NBEA: variants seen among roughly 807,000 people sequenced by gnomAD.
The protein encoded by NBEA is neurobeachin, also known as lysosomal-trafficking regulator 2.
In NBEA, 44 loss-of-function variants were observed where a neutral mutation model predicts 343.4. The ratio of observed to expected loss-of-function variants is 0.13; its 90% CI spans 0.10 to 0.16. The LOEUF (loss-of-function observed/expected upper bound fraction) is 0.16, where lower values mean the gene tolerates loss of function less well. Among genes scored for constraint, NBEA ranks in the 10% least tolerant of loss-of-function variants. NBEA has a pLI of 1.00. For missense variants in NBEA, 2,555 were observed against 3,631.3 expected (o/e 0.70, Z 7.62); for synonymous variants, 1,175 against 1,238.7 (o/e 0.95, Z 1.08).
At chr13:35,664,958 C>T (rs41292205) in intron 55 of NBEA, 127 bp from the exon 56 acceptor site, 40,066 of 662,002 alleles carry the variant, frequency 0.061, 1,454 homozygotes, top group South Asian at 0.1. Context: ...GTAACTGGCT[C>T]ATGGTCACAC....
intron 1 of NBEA, among the ~76,000 whole-genome samples, chr13:34,956,173 A>G (rs1384576562): frequency 6.6e-6 from 1 of 152,214 alleles, no homozygotes; most frequent in African/African-American, 2.4e-5. Context: ...AATTTTGAGT[A>G]TATTGTAATT....
chr13:35,197,305 A>T (rs1485642623), intron 31 of NBEA, among the ~76,000 whole-genome samples: 2 of 152,186 alleles, frequency 1.3e-5, no homozygotes, highest in Non-Finnish European at 2.9e-5. Flanking sequence ...GTATGAGGTG[A>T]TTGACAAGCA....
At chr13:35,203,919 G>A (rs1275513580) in intron 31 of NBEA, among the ~76,000 whole-genome samples, 1 of 152,134 alleles carries the variant, frequency 6.6e-6, no homozygotes. Context: ...ATAGAAGTTT[G>A]AAATTGTGTG....
chr13:35,380,562 A>G (rs1327451816), intron 38 of NBEA, among the ~76,000 whole-genome samples: 1 of 152,196 alleles, frequency 6.6e-6, no homozygotes, highest in Non-Finnish European at 1.5e-5. Flanking sequence ...TGTAAAAAAT[A>G]TCATTTTTAA....
chr13:35,650,499 C>A (rs2084464596), intron 52 of NBEA, among the ~76,000 whole-genome samples: 1 of 152,106 alleles, frequency 6.6e-6, no homozygotes, highest in African/African-American at 2.4e-5. Flanking sequence ...TGCAGGAGTT[C>A]AAGACCAGCC....
At chr13:35,612,389 C>A (rs1470028319) in intron 48 of NBEA, among the ~76,000 whole-genome samples, 1 of 152,164 alleles carries the variant, frequency 6.6e-6, no homozygotes, top group Non-Finnish European at 1.5e-5. Flanking sequence ...ACGTTGACCT[C>A]CCAAAGTGCT....
chr13:35,408,553 A>G (rs984215473), intron 38 of NBEA, among the ~76,000 whole-genome samples: 3 of 152,192 alleles, frequency 2.0e-5, no homozygotes, highest in Non-Finnish European at 4.4e-5. Flanking sequence ...GAAAATATCA[A>G]TAGACTAAAC....
chr13:35,572,266 T>C (rs1056386288), intron 45 of NBEA, among the ~76,000 whole-genome samples: 2 of 152,202 alleles, frequency 1.3e-5, no homozygotes, highest in Non-Finnish European at 2.9e-5. Context: ...GACTCTTAAA[T>C]TACAGTGGTT....
intron 1 of NBEA, among the ~76,000 whole-genome samples, chr13:35,002,490 G>C (rs182122489): frequency 6.6e-6 from 1 of 152,226 alleles, no homozygotes; most frequent in East Asian, 1.9e-4. Context: ...CAACAGTAAA[G>C]CTAGGAGCTC....
At chr13:35,303,882 T>G (rs1442202354) in intron 35 of NBEA, among the ~76,000 whole-genome samples, 1 of 152,208 alleles carries the variant, frequency 6.6e-6, no homozygotes, top group Non-Finnish European at 1.5e-5. Context: ...TAGTTACCAC[T>G]TTCTCTTTCT....
At chr13:35,470,296 C>G (rs559756567) in intron 40 of NBEA, among the ~76,000 whole-genome samples, 1 of 152,166 alleles carries the variant, frequency 6.6e-6, no homozygotes, top group African/African-American at 2.4e-5. Flanking sequence ...ATGCTCCCCA[C>G]GGAAAGTTCA....
At chr13:35,654,531 T>C (rs979263899) in intron 53 of NBEA, among the ~76,000 whole-genome samples, 2 of 152,242 alleles carry the variant, frequency 1.3e-5, no homozygotes, top group East Asian at 1.9e-4. Flanking sequence ...CTAATGAACT[T>C]GTATATAGTG....
At chr13:35,595,495 T>C (rs918894174) in intron 47 of NBEA, among the ~76,000 whole-genome samples, 1 of 146,098 alleles carries the variant, frequency 6.8e-6, no homozygotes, top group African/African-American at 2.8e-5. Flanking sequence ...CCATGTAGAC[T>C]TCCCCTTTCT....
chr13:35,365,874 A>G (rs117277096), intron 38 of NBEA, among the ~76,000 whole-genome samples: 1,781 of 151,666 alleles, frequency 0.012, 11 homozygotes, highest in Non-Finnish European at 0.019. Flanking sequence ...ATATTGTTCT[A>G]TATTATATGC....
chr13:35,232,312 CAG>C (rs2075019868), intron 33 of NBEA, among the ~76,000 whole-genome samples, 178 bp from the exon 34 acceptor site: 1 of 152,108 alleles, frequency 6.6e-6, no homozygotes, highest in African/African-American at 2.4e-5. Context: ...TGAAACCTTT[CAG>C]TAGCCTTATG....
At chr13:35,210,441 T>A (rs751413340) in intron 32 of NBEA, among the ~76,000 whole-genome samples, 3 of 152,138 alleles carry the variant, frequency 2.0e-5, no homozygotes, top group Non-Finnish European at 4.4e-5. Context: ...AAGATAATAA[T>A]ATTTAGGAAC....
intron 47 of NBEA, among the ~76,000 whole-genome samples, chr13:35,597,400 A>G (rs2769332): frequency 0.5 from 76,105 of 152,006 alleles, 20,413 homozygotes; most frequent in Admixed American, 0.63. Flanking sequence ...CTTAAAGAGA[A>G]GCTGATTAAC....
rs527767673 is a variant in NBEA at position 35,025,768 on chromosome 13, G to A, written c.295-15165G>A. ...TCTCTCACTAGTTTATTTTGCTATC[G>A]CTTACATTTTCTTCTCCATCTTCAT... On this transcript the variant is annotated intron_variant, in intron 1 of 58. Transcript: ENST00000379939. Among the ~76,000 whole-genome samples the A allele has an allele frequency of 7.2e-4, 110 of 151,888 alleles. 3 individuals carry two copies. In the South Asian group the frequency reaches 0.022, roughly 31 times the overall value.
At chr13:35,110,537 A>G (rs1247686663) in intron 12 of NBEA, among the ~76,000 whole-genome samples, 1 of 152,146 alleles carries the variant, frequency 6.6e-6, no homozygotes, top group Non-Finnish European at 1.5e-5. Flanking sequence ...TTATCAGATT[A>G]ATTTCAATAA....
Sources: gnomAD v4.1 joint callset for allele counts (sites outside exome capture counted in the v4.1 genomes callset) on GRCh38, gnomAD v4.1.1 for gene constraint, MANE v1.5 for transcripts, NCBI Gene and HGNC (gene_info 2026-07-23, HGNC 2026-07-21) for gene names.